The following RAB3C variants were observed in gnomAD, a reference collection of about 807,000 sequenced individuals.
RAB3C encodes the protein RAB3C, member RAS oncogene family, also known as ras-related protein Rab-3C.
RAB3C carries 17 observed loss-of-function variants against 26.4 expected under a neutral mutation model. That is an observed-to-expected ratio of 0.64 (90% CI 0.44 to 0.97). The LOEUF (loss-of-function observed/expected upper bound fraction) is 0.97, where lower values mean the gene tolerates loss of function less well. Ranked by LOEUF, RAB3C falls within the 50% of genes least tolerant of loss-of-function variation. The pLI, the probability that RAB3C is intolerant of heterozygous loss-of-function variation, is 0.00. For missense variants in RAB3C, 242 were observed against 281.9 expected, an observed-to-expected ratio of 0.86 and a Z score of 1.01; for synonymous variants, 91 against 95.9, an observed-to-expected ratio of 0.95 and a Z score of 0.30.
At chr5:58,788,559 G>A (rs1024262157) in intron 3 of RAB3C, among the ~76,000 whole-genome samples, 9 of 152,132 alleles carry the variant, frequency 5.9e-5, no homozygotes, top group African/African-American at 1.9e-4. Context: ...AATGTTGCTG[G>A]ACCCTGCTTT....
chr5:58,763,589 G>T (rs914861005), intron 3 of RAB3C, among the ~76,000 whole-genome samples: 2 of 152,102 alleles, frequency 1.3e-5, no homozygotes, highest in South Asian at 2.1e-4. Context: ...ATAAAAGTTT[G>T]CATGTTGTCA....
chr5:58,791,249 G>T (rs965224423), intron 3 of RAB3C, among the ~76,000 whole-genome samples: 1 of 152,140 alleles, frequency 6.6e-6, no homozygotes, highest in Non-Finnish European at 1.5e-5. Context: ...CTTGAACTAA[G>T]TTCAGTAGCC....
At chr5:58,838,389 A>G (rs1314569686) in intron 4 of RAB3C, among the ~76,000 whole-genome samples, 1 of 152,080 alleles carries the variant, frequency 6.6e-6, no homozygotes. Flanking sequence ...AAAAAAAAAA[A>G]AAAACTTTTT....
At chr5:58,753,130 T>C (rs1200177640) in intron 3 of RAB3C, among the ~76,000 whole-genome samples, 2 of 152,220 alleles carry the variant, frequency 1.3e-5, no homozygotes, top group African/African-American at 4.8e-5. Context: ...TATTTGAAGC[T>C]TAATGTTTTG....
chr5:58,646,756 C>T (rs1348933345), intron 2 of RAB3C, among the ~76,000 whole-genome samples: 1 of 152,000 alleles, frequency 6.6e-6, no homozygotes, highest in Non-Finnish European at 1.5e-5. Flanking sequence ...CAGGGAAAGC[C>T]GGCCCCATGC....
At chr5:58,812,526 A>G (rs1316792071) in intron 3 of RAB3C, among the ~76,000 whole-genome samples, 1 of 152,180 alleles carries the variant, frequency 6.6e-6, no homozygotes, top group East Asian at 1.9e-4. Context: ...ATAAACAAAC[A>G]CTTGCTAATT....
intron 4 of RAB3C, among the ~76,000 whole-genome samples, chr5:58,830,259 A>T (rs970939501): frequency 2.0e-5 from 3 of 152,208 alleles, no homozygotes; most frequent in African/African-American, 7.2e-5. Flanking sequence ...TTCACCTAAC[A>T]AAGAATATAC....
At chr5:58,644,521 A>G (rs1405970491) in intron 2 of RAB3C, 1 of 152,188 alleles carries the variant, frequency 6.6e-6, no homozygotes, top group Non-Finnish European at 1.5e-5. Context: ...CTTTTAAGGA[A>G]ACTCAGTTCC....
Position 58,726,115 on chromosome 5 carries a change from AG to A in RAB3C, c.367del (p.Asp123IlefsTer39). On this transcript the variant is annotated frameshift_variant, in exon 3 of 5. Coordinates refer to ENST00000282878, the MANE Select transcript of RAB3C (RefSeq NM_138453.4). LOFTEE classifies it high-confidence loss of function. ...TNEESFNAVQ[D>X]WSTQIKTYSW... The stretch of plus-strand genomic sequence containing the variant: ...ATGAAGAATCCTTCAATGCAGTACA[AG>A]ATTGGTAAGTCAGAGCAAATACTCT... 1 of 1,513,694 alleles carries A rather than the reference AG, an allele frequency of 6.6e-7. No individual in the cohort carries two copies. The highest frequency in any genetic ancestry group is 9.1e-7 in the Non-Finnish European group (1 of 1,098,766). The allele number at this position is 1,513,694 out of a possible 1,614,324, so 93.8% of individuals were successfully genotyped here.
intron 2 of RAB3C, among the ~76,000 whole-genome samples, chr5:58,708,467 T>C (rs1219733231): frequency 6.6e-6 from 1 of 152,202 alleles, no homozygotes; most frequent in Non-Finnish European, 1.5e-5. Context: ...TAGCACGGCA[T>C]GATCATCATG....
intron 3 of RAB3C, among the ~76,000 whole-genome samples, chr5:58,730,772 G>T (rs561490901): frequency 6.6e-6 from 1 of 152,136 alleles, no homozygotes; most frequent in East Asian, 1.9e-4. Flanking sequence ...CAAAAATTCT[G>T]GTCTGTTAAG....
intron 2 of RAB3C, among the ~76,000 whole-genome samples, chr5:58,627,353 T>TTAAATTCGGTGCAAATTAAGCATTTA (rs557291106): frequency 5.7e-5 from 8 of 139,814 alleles, no homozygotes; most frequent in South Asian, 2.4e-4. Context: ...TAAACACAGC[T>TTAAATTCGGTGCAAATTAAGCATTTA]ACTCGGGAGG....
intron 2 of RAB3C, among the ~76,000 whole-genome samples, chr5:58,668,624 A>G (rs1453207964): frequency 6.6e-6 from 1 of 152,166 alleles, no homozygotes; most frequent in Non-Finnish European, 1.5e-5. Flanking sequence ...TCAGAGAATC[A>G]CCAAAATTTA....
chr5:58,746,018 G>A (rs1419171721), intron 3 of RAB3C, among the ~76,000 whole-genome samples: 1 of 152,118 alleles, frequency 6.6e-6, no homozygotes, highest in African/African-American at 2.4e-5. Flanking sequence ...GTCCCTTTTA[G>A]CTGACTGCTT....
In RAB3C at chr5:58,693,353, T is replaced by TATATATATATATATATATATACAC. The variant is rs911414778; in HGVS notation, c.253-32640_253-32639insTATATATATATACACATATATATA. Among the ~76,000 whole-genome samples, 16 of 142,292 alleles carry TATATATATATATATATATATACAC rather than the reference T, an allele frequency of 1.1e-4. 1 individual carries two copies. Among genetic ancestry groups the TATATATATATATATATATATACAC allele is most frequent in the African/African-American group, 4.3e-4 (16 of 36,976 alleles). 93.3% of individuals were successfully genotyped at this position (142,292 alleles called of 152,430 possible). A position where few individuals can be genotyped will look rare whatever the true frequency, so the allele number is the denominator to read the frequency against. ...ATATATGTGTATATATATATATATA[T>TATATATATATATATATATATACAC]ATATATATAAAATTTCTTAAAACCT... is the stretch of plus-strand genomic sequence containing the variant. On this transcript the variant is annotated intron_variant, in intron 2 of 4. Coordinates refer to ENST00000282878, the MANE Select transcript of RAB3C (RefSeq NM_138453.4).
intron 3 of RAB3C, among the ~76,000 whole-genome samples, chr5:58,763,633 C>T (rs762076255): frequency 5.9e-5 from 9 of 152,116 alleles, no homozygotes; most frequent in Non-Finnish European, 1.3e-4. Context: ...CTCACACATC[C>T]TAGTGCTTAC....
chr5:58,839,349 T>TTTTA (rs59909509), intron 4 of RAB3C, among the ~76,000 whole-genome samples: 34,314 of 98,610 alleles, frequency 0.35, 4,173 homozygotes, highest in Non-Finnish European at 0.42. Context: ...TAAGTTTTTA[T>TTTTA]TTTATTTATT....
intron 2 of RAB3C, among the ~76,000 whole-genome samples, chr5:58,699,013 T>G (rs1231330231): frequency 6.6e-6 from 1 of 152,158 alleles, no homozygotes; most frequent in Non-Finnish European, 1.5e-5. Flanking sequence ...GGCGCTCCGA[T>G]TTTTAGTATT....
chr5:58,726,147 C>T (rs1479311527), intron 3 of RAB3C, 27 bp downstream of exon 3: 1 of 1,158,780 alleles, frequency 8.6e-7, no homozygotes. Context: ...ACTCTTATTA[C>T]TGATAATGAT....
Sources: gnomAD v4.1 joint callset for allele counts (sites outside exome capture counted in the v4.1 genomes callset) on GRCh38, gnomAD v4.1.1 for gene constraint, MANE v1.5 for transcripts, NCBI Gene and HGNC (gene_info 2026-07-23, HGNC 2026-07-21) for gene names.